ARID1A: variants seen among roughly 807,000 people sequenced by gnomAD.
ARID1A encodes the protein AT-rich interaction domain 1A, also known as AT-rich interactive domain-containing protein 1A.
ARID1A carries 20 observed loss-of-function variants against 212.6 expected under a neutral mutation model. The observed-to-expected ratio is 0.09, with a 90% confidence interval of 0.07 to 0.14. The LOEUF is 0.14. ARID1A is among the 10% of genes least tolerant of loss of function. The pLI is 1.00. For missense variants in ARID1A, 2,587 were observed against 3,059.0 expected (o/e 0.85, Z 3.64); for synonymous variants, 1,376 against 1,222.1 (o/e 1.13, Z -2.63).
intron 1 of ARID1A, among the ~76,000 whole-genome samples, chr1:26,725,959 G>A (rs1376504489): frequency 6.6e-6 from 1 of 150,648 alleles, no homozygotes; most frequent in East Asian, 1.9e-4. Context: ...GGTTTAAGTG[G>A]TTCACCTGCC....
chr1:26,739,627 AAAAGAGACTTGAAAG>A (rs1488981372), intron 4 of ARID1A, among the ~76,000 whole-genome samples: 1 of 152,202 alleles, frequency 6.6e-6, no homozygotes, highest in Non-Finnish European at 1.5e-5. Flanking sequence ...TGGTAGAAAG[AAAAGAGACTTGAAAG>A]AAACTAGACT....
Position 26,773,733 on chromosome 1 carries a change from T to C in ARID1A, c.4004+16T>C, listed in dbSNP as rs2273016. 1.2e-6 allele frequency: 2 copies of C among 1,614,132 alleles called. No individual in the cohort carries two copies. The highest frequency in any genetic ancestry group is 1.7e-6 in the Non-Finnish European group (2 of 1,180,022). ...AGCAGCAACGGTGAGTAAAGCCTGG[T>C]CTCGGTGCTGCTATGGATCAGGCTT... On this transcript the variant is annotated intron_variant, in intron 16 of 19. Transcript: ENST00000324856.
chr1:26,755,424 C>T (rs2080920254), intron 4 of ARID1A, among the ~76,000 whole-genome samples: 2 of 152,170 alleles, frequency 1.3e-5, no homozygotes, highest in Non-Finnish European at 2.9e-5. Flanking sequence ...CCCAGGCATC[C>T]CAGCCAGGTG....
intron 1 of ARID1A, among the ~76,000 whole-genome samples, chr1:26,715,699 ATGT>A (rs1027058525): frequency 1.3e-5 from 2 of 152,188 alleles, no homozygotes; most frequent in Non-Finnish European, 1.5e-5. Context: ...TGTTGTTGAA[ATGT>A]TGTTTAATTT....
At chr1:26,767,125 C>A (rs1361327585) in intron 10 of ARID1A, among the ~76,000 whole-genome samples, 1 of 152,124 alleles carries the variant, frequency 6.6e-6, no homozygotes, top group Non-Finnish European at 1.5e-5. Context: ...CTTGGCCATA[C>A]CTCACTTTCC....
intron 4 of ARID1A, among the ~76,000 whole-genome samples, chr1:26,740,786 A>G (rs994044943): frequency 3.9e-5 from 6 of 152,214 alleles, no homozygotes; most frequent in African/African-American, 1.4e-4. Context: ...GGCAAGAGGT[A>G]TGGAGTTCTG....
chr1:26,777,045 AT>A (rs1207338188), intron 19 of ARID1A, among the ~76,000 whole-genome samples: 1 of 152,182 alleles, frequency 6.6e-6, no homozygotes, highest in Non-Finnish European at 1.5e-5. Flanking sequence ...AGGAATTTTT[AT>A]CATTTTATAC....
intron 11 of ARID1A, 113 bp downstream of exon 11, chr1:26,768,112 C>A: frequency 8.3e-7 from 1 of 1,203,856 alleles, no homozygotes; most frequent in South Asian, 1.5e-5. Context: ...TCCCCTCTCC[C>A]GCTTTCTGAG....
chr1:26,712,927 CTT>C (rs1160893426), intron 1 of ARID1A, among the ~76,000 whole-genome samples: 1 of 152,224 alleles, frequency 6.6e-6, no homozygotes, highest in African/African-American at 2.4e-5. Context: ...TTCATTTGGA[CTT>C]TCTGAACACC....
chr1:26,697,566 TG>T, intron 1 of ARID1A, 26 bp downstream of exon 1: 1 of 1,302,250 alleles, frequency 7.7e-7, no homozygotes, highest in South Asian at 2.3e-5. Flanking sequence ...GGGAGGGGGC[TG>T]GGGCGAGCGT....
At chr1:26,701,947 T>C (rs1420591985) in intron 1 of ARID1A, among the ~76,000 whole-genome samples, 1 of 152,190 alleles carries the variant, frequency 6.6e-6, no homozygotes, top group African/African-American at 2.4e-5. Context: ...AAAGCAAGAC[T>C]TGAAAAATAG....
At chr1:26,715,109 A>G (rs1423183402) in intron 1 of ARID1A, among the ~76,000 whole-genome samples, 1 of 152,244 alleles carries the variant, frequency 6.6e-6, no homozygotes, top group Non-Finnish European at 1.5e-5. Flanking sequence ...AATAAAAAGA[A>G]TGGGAGAAGT....
chr1:26,756,247 A>G (rs539096873), intron 4 of ARID1A, among the ~76,000 whole-genome samples: 38 of 152,040 alleles, frequency 2.5e-4, no homozygotes, highest in African/African-American at 9.2e-4. Context: ...CCCCATCTCT[A>G]CAAAAAAATT....
intron 10 of ARID1A, among the ~76,000 whole-genome samples, chr1:26,767,502 C>T (rs999306144): frequency 6.6e-6 from 1 of 152,226 alleles, no homozygotes; most frequent in Non-Finnish European, 1.5e-5. Context: ...CTCCTGGTGC[C>T]TGCTTCCTTA....
At chr1:26,757,012 A>C (rs2080945947) in intron 4 of ARID1A, among the ~76,000 whole-genome samples, 2 of 152,088 alleles carry the variant, frequency 1.3e-5, no homozygotes, top group African/African-American at 4.8e-5. Context: ...CAATATCTGA[A>C]ATGTTTTTAT....
chr1:26,711,376 G>A (rs1478086213), intron 1 of ARID1A, among the ~76,000 whole-genome samples: 1 of 152,054 alleles, frequency 6.6e-6, no homozygotes, highest in Non-Finnish European at 1.5e-5. Context: ...GTCCACCTCA[G>A]CCTCCCAAAG....
intron 1 of ARID1A, among the ~76,000 whole-genome samples, chr1:26,718,736 C>CAGGCACAACCATCGT (rs879798827): frequency 2.0e-5 from 3 of 152,172 alleles, no homozygotes; most frequent in Non-Finnish European, 4.4e-5. Flanking sequence ...ACATTCAGTA[C>CAGGCACAACCATCGT]AGGCACAACC....
rs1270911708 is a variant in ARID1A at position 26,763,123 on chromosome 1, G to A, written c.2570G>A (p.Arg857Lys). 1.2e-6 allele frequency: 2 copies of A among 1,614,276 alleles called. No homozygotes were observed. The highest frequency in any genetic ancestry group is 1.7e-5 in the Admixed American group (1 of 60,036). Residue 857 changes from arginine (R) to lysine (K), a missense_variant, in exon 8 of 20, where the codon AGG (arginine) becomes AAG (lysine). By Grantham distance (26) the Arg-to-Lys change is conservative (BLOSUM62 2). Around this residue, in one of 11 missense-constraint regions of ARID1A, gnomAD observed 674 missense variants for 813.4 expected, o/e 0.83. Transcript: ENST00000324856. ...CCTTATGGCACACTCCCTCCAGGGA[G>A]GATGAGTCACGCCTCCATGGGCAAC... ...IPPYGTLPPG[R>K]MSHASMGNRP...
In ARID1A at chr1:26,762,227, C is replaced by G; in HGVS notation, c.2327C>G (p.Pro776Arg). The change falls in exon 7 of 20, where the codon CCT becomes CGT. Residue 776 changes from proline (P) to arginine (R), a missense_variant. Transcript: ENST00000324856. ...QPGSALSPRQ[P>R]SGGQIHTGMG... ...GGCTCAGCCTTATCTCCGCGTCAGC[C>G]TTCCGGAGGACAGATACACACAGGC... 1 of 1,614,214 alleles carries G rather than the reference C, an allele frequency of 6.2e-7. No homozygotes were observed. The highest frequency in any genetic ancestry group is 8.5e-7 in the Non-Finnish European group (1 of 1,180,038).
Sources: gnomAD v4.1 joint callset for allele counts (sites outside exome capture counted in the v4.1 genomes callset) on GRCh38, gnomAD v4.1.1 for gene constraint, gnomAD v4.1.1 regional missense constraint, MANE v1.5 for transcripts, NCBI Gene and HGNC (gene_info 2026-07-23, HGNC 2026-07-21) for gene names.